The following ELP4 variants were observed in gnomAD, a reference collection of about 807,000 sequenced individuals.
ELP4 encodes the protein elongator complex protein 4.
In ELP4, 51 loss-of-function variants were observed where a neutral mutation model predicts 48.9. The observed-to-expected ratio is 1.04, with a 90% CI of 0.83 to 1.32. The LOEUF (loss-of-function observed/expected upper bound fraction) is 1.32, where lower values mean the gene tolerates loss of function less well. Ranked by LOEUF, ELP4 falls within the 40% of genes most tolerant of loss-of-function variation. ELP4 has a pLI of 0.00. For synonymous variants in ELP4, 210 were observed against 189.2 expected (o/e 1.11, Z -0.90); for missense variants, 519 against 514.6 (o/e 1.01, Z -0.08).
rs78113469 is a variant in ELP4, at chr11:31,738,268, G to A, written c.1144-45125G>A. On this transcript the variant is annotated intron_variant, in intron 9 of 9. Transcript: ENST00000640961. ...AAAAAAAAAAAAAAATTAATACTTA[G>A]CCAGGCATGGTGATGCATGCCTGTA... Among the ~76,000 whole-genome samples the A allele has an allele frequency of 2.9e-4, 41 of 143,308 alleles. 1 individual carries two copies. In the East Asian group the frequency reaches 7.9e-3, roughly 28 times the overall value. The allele number at this position is 143,308 out of a possible 152,430, so 94.0% of individuals were successfully genotyped here. A position where few individuals can be genotyped will look rare whatever the true frequency, so the allele number is the denominator to read the frequency against.
intron 9 of ELP4, among the ~76,000 whole-genome samples, chr11:31,656,980 T>C (rs1019880332): frequency 1.2e-4 from 18 of 151,988 alleles, no homozygotes; most frequent in African/African-American, 4.1e-4. Context: ...CTAAGGAAGA[T>C]AGAAAAAAAG....
At chr11:31,782,477 A>G (rs1382226189) in intron 9 of ELP4, among the ~76,000 whole-genome samples, 1 of 152,236 alleles carries the variant, frequency 6.6e-6, no homozygotes, top group South Asian at 2.1e-4. Flanking sequence ...CACAACAGAT[A>G]AGTTCCTTTA....
chr11:31,697,534 T>C (rs978972191), intron 9 of ELP4, among the ~76,000 whole-genome samples: 3 of 152,142 alleles, frequency 2.0e-5, no homozygotes, highest in African/African-American at 7.2e-5. Flanking sequence ...CATTTACAAA[T>C]AATCTTACAG....
chr11:31,516,108 G>T (rs1204227423), intron 1 of ELP4, among the ~76,000 whole-genome samples: 1 of 152,088 alleles, frequency 6.6e-6, no homozygotes, highest in East Asian at 1.9e-4. Flanking sequence ...GCAAGACTCG[G>T]TCTCAAAAAA....
At chr11:31,595,017 A>G in intron 4 of ELP4, 116 bp downstream of exon 4, 2 of 811,760 alleles carry the variant, frequency 2.5e-6, no homozygotes, top group Non-Finnish European at 3.6e-6. Context: ...TAGCTGTTTC[A>G]TTTGTAGAGT....
At chr11:31,741,934 G>A (rs533047590) in intron 9 of ELP4, among the ~76,000 whole-genome samples, 5 of 152,192 alleles carry the variant, frequency 3.3e-5, no homozygotes, top group South Asian at 4.2e-4. Flanking sequence ...GGCTTCAGAC[G>A]ATCAAACTAC....
chr11:31,775,645 GACA>G (rs1488634999), intron 9 of ELP4, among the ~76,000 whole-genome samples: 1 of 151,998 alleles, frequency 6.6e-6, no homozygotes, highest in East Asian at 1.9e-4. Context: ...GACCAGCCTG[GACA>G]ACATAGTGTG....
At chr11:31,567,233 TG>T (rs1171036713) in intron 3 of ELP4, among the ~76,000 whole-genome samples, 10 of 152,146 alleles carry the variant, frequency 6.6e-5, no homozygotes, top group African/African-American at 2.4e-4. Flanking sequence ...GCACCCGGCC[TG>T]TAGTACTTCT....
rs956240352 is a variant in ELP4 at position 31,703,955 on chromosome 11, C to T, written c.1143+53734C>T. Among the ~76,000 whole-genome samples, 12 of 152,230 alleles carry T rather than the reference C, an allele frequency of 7.9e-5. No homozygotes were observed. The East Asian group carries it at 1.5e-3, about 20-fold the overall frequency. On this transcript the variant is annotated intron_variant, in intron 9 of 9. Coordinates refer to ENST00000640961, the MANE Select transcript of ELP4 (RefSeq NM_019040.5). The stretch of plus-strand genomic sequence containing the variant: ...TTAAAATTCAAAAATGTTATATGCA[C>T]TCACATATTCAGCACTCTAACTTAA...
chr11:31,530,749 G>GTC (rs1347379473), intron 2 of ELP4, among the ~76,000 whole-genome samples: 6 of 152,054 alleles, frequency 3.9e-5, no homozygotes, highest in Non-Finnish European at 8.8e-5. Context: ...TGTCTCTCGG[G>GTC]TCTCTTTCTT....
In ELP4 at chr11:31,544,426, A is replaced by G. The variant is rs376183008; in HGVS notation, c.381+4643A>G. On this transcript the variant is annotated intron_variant, in intron 3 of 9. Transcript: ENST00000640961. The stretch of plus-strand genomic sequence containing the variant: ...GCACAGCAGTCTGAGATCAAACTGC[A>G]AGGCGGCAGTGAGGCTGGGGGAGGG... Among the ~76,000 whole-genome samples the G allele has an allele frequency of 2.1e-4, 32 of 152,280 alleles. No individual in the cohort carries two copies. In the East Asian group the frequency reaches 5.6e-3, roughly 27 times the overall value.
chr11:31,775,641 C>A (rs1948228657), intron 9 of ELP4, among the ~76,000 whole-genome samples: 1 of 151,952 alleles, frequency 6.6e-6, no homozygotes, highest in South Asian at 2.1e-4. Flanking sequence ...TCGAGACCAG[C>A]CTGGACAACA....
chr11:31,720,714 T>TGGTA (rs1946942323), intron 9 of ELP4, among the ~76,000 whole-genome samples: 1 of 151,986 alleles, frequency 6.6e-6, no homozygotes. Flanking sequence ...CACCAGTGAG[T>TGGTA]GGTACTAAGT....
chr11:31,674,024 G>T (rs1440899473), intron 9 of ELP4, among the ~76,000 whole-genome samples: 1 of 152,130 alleles, frequency 6.6e-6, no homozygotes, highest in African/African-American at 2.4e-5. Context: ...GATTGCCTTG[G>T]TCCACAGGAA....
intron 9 of ELP4, among the ~76,000 whole-genome samples, chr11:31,761,355 A>G (rs1260408801): frequency 1.3e-5 from 2 of 151,606 alleles, no homozygotes; most frequent in African/African-American, 4.8e-5. Context: ...AAAAAAAGCC[A>G]TTCAGATGCT....
chr11:31,754,826 C>T (rs1158397934), intron 9 of ELP4, among the ~76,000 whole-genome samples: 1 of 152,132 alleles, frequency 6.6e-6, no homozygotes, highest in African/African-American at 2.4e-5. Flanking sequence ...GAGCCAAGAT[C>T]ACGCCATTAT....
chr11:31,772,527 G>C (rs1333718740), intron 9 of ELP4, among the ~76,000 whole-genome samples: 2 of 152,192 alleles, frequency 1.3e-5, no homozygotes, highest in African/African-American at 4.8e-5. Context: ...TTCTCTGAAA[G>C]CAGGTGTCTT....
chr11:31,754,204 G>C (rs1190740598), intron 9 of ELP4, among the ~76,000 whole-genome samples: 2 of 152,036 alleles, frequency 1.3e-5, no homozygotes, highest in East Asian at 3.8e-4. Flanking sequence ...ACCCACACTT[G>C]TTTGCCATAC....
At chr11:31,635,713 T>C (rs1944960702) in intron 7 of ELP4, among the ~76,000 whole-genome samples, 1 of 151,994 alleles carries the variant, frequency 6.6e-6, no homozygotes, top group African/African-American at 2.4e-5. Flanking sequence ...TGCTGGCACA[T>C]AGTAGGCATT....
Sources: gnomAD v4.1 joint callset for allele counts (sites outside exome capture counted in the v4.1 genomes callset) on GRCh38, gnomAD v4.1.1 for gene constraint, MANE v1.5 for transcripts, NCBI Gene and HGNC (gene_info 2026-07-23, HGNC 2026-07-21) for gene names.